Variants in MGAT5 observed in about 807,000 individuals in gnomAD.
The protein encoded by MGAT5 is alpha-1,6-mannosylglycoprotein 6-beta-N-acetylglucosaminyltransferase.
MGAT5 carries 30 observed loss-of-function variants against 94.3 expected under a neutral mutation model. The ratio of observed to expected loss-of-function variants is 0.32; its 90% CI spans 0.24 to 0.43. MGAT5 has a LOEUF of 0.43. MGAT5 is among the 20% of genes least tolerant of loss of function. MGAT5 has a pLI of 1.00. For missense variants in MGAT5, 691 were observed against 905.5 expected (o/e 0.76, Z 3.04); for synonymous variants, 310 against 322.9 (o/e 0.96, Z 0.43).
chr2:134,341,152 G>A (rs1323288177), intron 6 of MGAT5, among the ~76,000 whole-genome samples: 1 of 152,112 alleles, frequency 6.6e-6, no homozygotes, highest in Non-Finnish European at 1.5e-5. Context: ...ATTAATAATT[G>A]TTGAAGCTAC....
chr2:134,262,726 T>C (rs745634167), intron 1 of MGAT5, among the ~76,000 whole-genome samples: 1 of 152,222 alleles, frequency 6.6e-6, no homozygotes, highest in Non-Finnish European at 1.5e-5. Context: ...TAGTAATCAC[T>C]AACTCTGGCT....
At chr2:134,234,697 T>C (rs1286496202) in intron 1 of MGAT5, among the ~76,000 whole-genome samples, 1 of 152,240 alleles carries the variant, frequency 6.6e-6, no homozygotes, top group African/African-American at 2.4e-5. Context: ...TGTTGGGTGG[T>C]GAATGAGGGC....
chr2:134,317,761 T>C (rs1407159902), intron 3 of MGAT5, among the ~76,000 whole-genome samples, 156 bp downstream of exon 3: 1 of 152,154 alleles, frequency 6.6e-6, no homozygotes, highest in Non-Finnish European at 1.5e-5. Flanking sequence ...TCTGTGGCTA[T>C]GACAACCCTG....
chr2:134,237,266 C>A (rs1681698143), intron 1 of MGAT5, among the ~76,000 whole-genome samples: 1 of 152,242 alleles, frequency 6.6e-6, no homozygotes, highest in Admixed American at 6.5e-5. Context: ...GAAATTAAGT[C>A]CCTCGTGTGA....
intron 1 of MGAT5, among the ~76,000 whole-genome samples, chr2:134,129,093 G>C (rs941366078): frequency 6.6e-6 from 1 of 152,154 alleles, no homozygotes; most frequent in African/African-American, 2.4e-5. Context: ...AATTCTGTAG[G>C]TCAGAGGTCC....
chr2:134,327,966 G>A (rs1488969151), intron 4 of MGAT5, among the ~76,000 whole-genome samples: 1 of 152,144 alleles, frequency 6.6e-6, no homozygotes, highest in Non-Finnish European at 1.5e-5. Flanking sequence ...ATACAGACCA[G>A]TTGGGACCAG....
chr2:134,179,073 A>G (rs1020539143), intron 1 of MGAT5, among the ~76,000 whole-genome samples: 6 of 152,218 alleles, frequency 3.9e-5, no homozygotes, highest in African/African-American at 1.2e-4. Flanking sequence ...CCTGGTGTCC[A>G]TGTTCCCAGC....
At chr2:134,311,830 G>A (rs951545779) in intron 2 of MGAT5, among the ~76,000 whole-genome samples, 4 of 152,178 alleles carry the variant, frequency 2.6e-5, no homozygotes, top group Admixed American at 2.0e-4. Flanking sequence ...ATGGACGATA[G>A]CATCTTTATA....
chr2:134,378,573 A>G (rs1220806165), intron 10 of MGAT5, among the ~76,000 whole-genome samples: 2 of 151,566 alleles, frequency 1.3e-5, no homozygotes, highest in East Asian at 3.9e-4. Flanking sequence ...CGATCGTTAA[A>G]TCAGAACACT....
At chr2:134,357,751 A>G (rs1477542938) in intron 9 of MGAT5, among the ~76,000 whole-genome samples, 13 of 152,008 alleles carry the variant, frequency 8.6e-5, no homozygotes, top group African/African-American at 7.2e-5. Context: ...ACACTTGAAA[A>G]TTTTACCCTG....
intron 2 of MGAT5, among the ~76,000 whole-genome samples, chr2:134,301,677 G>A (rs1686026488): frequency 6.6e-6 from 1 of 152,120 alleles, no homozygotes; most frequent in Admixed American, 6.6e-5. Flanking sequence ...TTTCTGTAAC[G>A]CTGTTGCTTT....
At chr2:134,290,982 A>T (rs908252346) in intron 2 of MGAT5, among the ~76,000 whole-genome samples, 1 of 152,172 alleles carries the variant, frequency 6.6e-6, no homozygotes, top group African/African-American at 2.4e-5. Flanking sequence ...ATACACAAAA[A>T]TACCTCACTT....
intron 13 of MGAT5, among the ~76,000 whole-genome samples, chr2:134,425,489 CAG>C (rs1158503577): frequency 6.6e-6 from 1 of 151,754 alleles, no homozygotes; most frequent in African/African-American, 2.4e-5. Flanking sequence ...AAGTTTTGAA[CAG>C]GGGGATGAGA....
chr2:134,377,427 C>T lies in MGAT5; in HGVS notation c.1380+15019C>T, dbSNP rs577462907. 2.0e-5 allele frequency among the ~76,000 whole-genome samples: 3 copies of T among 152,324 alleles called. No homozygotes were observed. The South Asian group carries it at 6.2e-4, about 32-fold the overall frequency. On this transcript the variant is annotated intron_variant, in intron 10 of 15. Coordinates refer to ENST00000281923, the MANE Select transcript of MGAT5 (RefSeq NM_002410.5). ...CTGATTCTTTCCCCCCATTATTTGACCTAGGTCACATGACCATTCTTGGCT... is the reference window on the plus strand; with the variant it reads ...CTGATTCTTTCCCCCCATTATTTGATCTAGGTCACATGACCATTCTTGGCT...
At chr2:134,142,546 G>A (rs1325204902) in intron 1 of MGAT5, among the ~76,000 whole-genome samples, 1 of 152,210 alleles carries the variant, frequency 6.6e-6, no homozygotes, top group Non-Finnish European at 1.5e-5. Flanking sequence ...TTACAGATGA[G>A]TGAACTGAGG....
intron 8 of MGAT5, among the ~76,000 whole-genome samples, chr2:134,346,820 G>C (rs1392278837): frequency 2.6e-5 from 4 of 152,036 alleles, no homozygotes; most frequent in Non-Finnish European, 5.9e-5. Context: ...TTCCTACAAG[G>C]CCTTTGTTGA....
At chr2:134,200,950 GCT>G (rs1489858718) in intron 1 of MGAT5, among the ~76,000 whole-genome samples, 3 of 151,824 alleles carry the variant, frequency 2.0e-5, no homozygotes, top group African/African-American at 7.3e-5. Context: ...GCTTGGTCTT[GCT>G]CTGTCTCCTG....
intron 13 of MGAT5, 52 bp from the exon 14 acceptor site, chr2:134,428,313 G>C (rs370046137): frequency 4.2e-4 from 647 of 1,552,580 alleles, no homozygotes; most frequent in Non-Finnish European, 5.6e-4. Flanking sequence ...CTGAGGAGGT[G>C]CTACATGTTC....
intron 4 of MGAT5, 37 bp from the exon 5 acceptor site, chr2:134,336,180 A>T (rs938113130): frequency 2.5e-5 from 39 of 1,537,380 alleles, no homozygotes; most frequent in Non-Finnish European, 3.4e-5. Flanking sequence ...TTCATTATAG[A>T]TGAAGCTGCA....
Sources: gnomAD v4.1 joint callset for allele counts (sites outside exome capture counted in the v4.1 genomes callset) on GRCh38, gnomAD v4.1.1 for gene constraint, MANE v1.5 for transcripts, NCBI Gene and HGNC (gene_info 2026-07-23, HGNC 2026-07-21) for gene names.